The following RBFOX1 variants were observed in gnomAD, a reference collection of about 807,000 sequenced individuals.
The protein encoded by RBFOX1 is RNA binding fox-1 homolog 1.
RBFOX1 carries 8 observed loss-of-function variants against 57.7 expected under a neutral mutation model. The ratio of observed to expected loss-of-function variants is 0.14; its 90% CI spans 0.08 to 0.25. The LOEUF is 0.25. Ranked by LOEUF, RBFOX1 falls within the 10% of genes least tolerant of loss-of-function variation. RBFOX1 has a pLI of 1.00. For missense variants in RBFOX1, 611 were observed against 548.5 expected (o/e 1.11, Z -1.14); for synonymous variants, 326 against 222.4 (o/e 1.47, Z -4.15).
intron 1 of RBFOX1, among the ~76,000 whole-genome samples, chr16:6,202,028 C>T (rs960375266): frequency 1.3e-5 from 2 of 152,082 alleles, no homozygotes; most frequent in African/African-American, 2.4e-5. Context: ...ACCTTGAATG[C>T]AAACCAGCCC....
At chr16:7,390,322 A>G (rs950089921) in intron 4 of RBFOX1, among the ~76,000 whole-genome samples, 17 of 152,194 alleles carry the variant, frequency 1.1e-4, no homozygotes, top group Non-Finnish European at 1.9e-4. Flanking sequence ...CCATAACAAT[A>G]GAGAGAATAC....
chr16:6,511,424 T>C (rs1368568270), intron 2 of RBFOX1, among the ~76,000 whole-genome samples: 1 of 152,180 alleles, frequency 6.6e-6, no homozygotes, highest in Non-Finnish European at 1.5e-5. Context: ...GACCTGGGAA[T>C]TTTCCTGCTC....
chr16:6,487,946 T>G lies in RBFOX1; in HGVS notation c.-63-166657T>G, dbSNP rs193146199. 1.3e-3 allele frequency among the ~76,000 whole-genome samples: 203 copies of G among 152,060 alleles called. 1 individual carries two copies. Among genetic ancestry groups the G allele is most frequent in the Non-Finnish European group, 2.4e-3 (163 of 67,976 alleles). On this transcript the variant is annotated intron_variant, in intron 2 of 15. Coordinates refer to ENST00000550418, the MANE Select transcript of RBFOX1 (RefSeq NM_018723.4). ...GATCTGTAGTTTTTGGTTTGTTCGT[T>G]AAGTTTTCTAACCTGGTTTGAATTA...
intron 4 of RBFOX1, among the ~76,000 whole-genome samples, chr16:7,349,292 A>G (rs2097082805): frequency 6.6e-6 from 1 of 152,126 alleles, no homozygotes; most frequent in Admixed American, 6.6e-5. Flanking sequence ...GTCAGCTCTC[A>G]TCACTCCTTC....
chr16:6,914,007 C>A (rs2072428798), intron 3 of RBFOX1, among the ~76,000 whole-genome samples: 1 of 152,208 alleles, frequency 6.6e-6, no homozygotes, highest in African/African-American at 2.4e-5. Flanking sequence ...GAATGTTCTA[C>A]TTGACGTAGC....
chr16:6,102,252 C>T (rs1302722192), intron 1 of RBFOX1, among the ~76,000 whole-genome samples: 4 of 150,412 alleles, frequency 2.7e-5, no homozygotes, highest in Non-Finnish European at 5.9e-5. Flanking sequence ...TTCTTTCTTC[C>T]TTTCTCCTTT....
chr16:6,850,971 GC>G (rs1413621691), intron 3 of RBFOX1, among the ~76,000 whole-genome samples: 5 of 152,262 alleles, frequency 3.3e-5, no homozygotes, highest in African/African-American at 4.8e-5. Flanking sequence ...ACTGTAAATA[GC>G]CCGTATGTTT....
At chr16:5,887,180 A>G (rs2057918985) in intron 4 of RBFOX1, among the ~76,000 whole-genome samples, 1 of 152,154 alleles carries the variant, frequency 6.6e-6, no homozygotes, top group Non-Finnish European at 1.5e-5. Context: ...TTGGAGTCCT[A>G]AGAAGACTTC....
intron 4 of RBFOX1, among the ~76,000 whole-genome samples, chr16:7,188,140 G>T (rs1267765344): frequency 6.6e-6 from 1 of 152,168 alleles, no homozygotes; most frequent in East Asian, 1.9e-4. Context: ...AGCCAACTCA[G>T]CAAGAGGTGT....
At chr16:5,811,025 C>T (rs564123025) in intron 3 of RBFOX1, among the ~76,000 whole-genome samples, 1 of 152,140 alleles carries the variant, frequency 6.6e-6, no homozygotes, top group African/African-American at 2.4e-5. Flanking sequence ...CTTTGCAGTC[C>T]CTCGCTCCTG....
chr16:7,609,434 C>A (rs754724107), intron 10 of RBFOX1, among the ~76,000 whole-genome samples: 1 of 152,130 alleles, frequency 6.6e-6, no homozygotes, highest in Non-Finnish European at 1.5e-5. Context: ...ATGAGAGAAA[C>A]AGTTAAGACT....
At chr16:7,148,612 C>G (rs764984108) in intron 4 of RBFOX1, among the ~76,000 whole-genome samples, 1 of 152,168 alleles carries the variant, frequency 6.6e-6, no homozygotes, top group African/African-American at 2.4e-5. Flanking sequence ...AACAATTCAC[C>G]CTTTCCCTTG....
At chr16:6,923,640 T>TG (rs2074964708) in intron 3 of RBFOX1, among the ~76,000 whole-genome samples, 1 of 152,106 alleles carries the variant, frequency 6.6e-6, no homozygotes, top group Non-Finnish European at 1.5e-5. Context: ...CAGGGGAGCA[T>TG]GGAAGATGCA....
At chr16:6,951,824 C>T (rs141556644) in intron 3 of RBFOX1, among the ~76,000 whole-genome samples, 5 of 152,248 alleles carry the variant, frequency 3.3e-5, no homozygotes, top group Non-Finnish European at 7.4e-5. Context: ...ACCTCCGCCT[C>T]CTGGGTTCAA....
chr16:6,312,198 A>G (rs12445384), intron 1 of RBFOX1, among the ~76,000 whole-genome samples: 49,291 of 152,006 alleles, frequency 0.32, 8,414 homozygotes, highest in Middle Eastern at 0.4. Context: ...TTTCTTACAC[A>G]GCACAGGAGC....
intron 3 of RBFOX1, among the ~76,000 whole-genome samples, chr16:6,956,608 C>G (rs772656507): frequency 9.9e-5 from 15 of 152,176 alleles, no homozygotes; most frequent in Non-Finnish European, 1.8e-4. Flanking sequence ...GTGAGTGGTT[C>G]AAATCCACAG....
chr16:6,560,472 C>T (rs920933947), intron 2 of RBFOX1, among the ~76,000 whole-genome samples: 4 of 151,982 alleles, frequency 2.6e-5, no homozygotes, highest in African/African-American at 9.7e-5. Flanking sequence ...TGAAAACAGT[C>T]AAAGCAAAAG....
At chr16:7,645,210 G>T (rs978042000) in intron 11 of RBFOX1, among the ~76,000 whole-genome samples, 1 of 152,112 alleles carries the variant, frequency 6.6e-6, no homozygotes, top group Non-Finnish European at 1.5e-5. Flanking sequence ...ATTTGGATTT[G>T]ACTAAAACTT....
At chr16:6,333,042 T>C (rs2083226347) in intron 2 of RBFOX1, among the ~76,000 whole-genome samples, 1 of 151,718 alleles carries the variant, frequency 6.6e-6, no homozygotes, top group Admixed American at 6.6e-5. Context: ...TGTGACATTC[T>C]TTTTTTTTCT....
Sources: allele counts gnomAD v4.1 joint callset (sites outside exome capture counted in the v4.1 genomes callset), GRCh38; gene constraint gnomAD v4.1.1; transcripts MANE v1.5; gene names NCBI Gene and HGNC (gene_info 2026-07-23, HGNC 2026-07-21).